CENPF: variants seen among roughly 807,000 people sequenced by gnomAD.
CENPF encodes the protein centromere protein F.
CENPF carries 214 observed loss-of-function variants against 307.3 expected under a neutral mutation model. The observed-to-expected ratio is 0.70, with a 90% CI of 0.62 to 0.78. The LOEUF is 0.78. Among genes scored for constraint, CENPF ranks in the 30% least tolerant of loss-of-function variants. The probability of loss-of-function intolerance (pLI) is 0.00; values close to 1 mark genes in which losing one functional copy is unlikely to be tolerated. For synonymous variants in CENPF, 1,259 were observed against 1,270.6 expected (o/e 0.99, Z 0.19); for missense variants, 3,401 against 3,483.9 (o/e 0.98, Z 0.60).
chr1:214,618,544 T>C, intron 3 of CENPF, 29 bp from the exon 4 acceptor site: 1 of 1,611,350 alleles, frequency 6.2e-7, no homozygotes, highest in Non-Finnish European at 8.5e-7. Flanking sequence ...CTAACTGATT[T>C]GTCTGCCTCT....
Position 214,646,547 on chromosome 1 carries a change from A to G in CENPF, c.6977A>G (p.Glu2326Gly). 6.2e-7 allele frequency: 1 copy of G among 1,614,138 alleles called. No homozygotes were observed. ...CTCTGTGTCTTACAACAACTGAAGG[A>G]AAGTGAGCATCATGCAGATTTACTT... ...KQLCVLQQLKESEHHADLLKG... is the reference protein window; with the variant it reads ...KQLCVLQQLKGSEHHADLLKG... The change falls in exon 13 of 20, where the codon GAA becomes GGA. Residue 2326 changes from glutamate to glycine, a missense_variant. Transcript: ENST00000366955.
In CENPF at chr1:214,640,905, T is replaced by TCTGCTTTTGCA; in HGVS notation, c.2567_2568insCTGCTTTTGCA (p.Leu856PhefsTer12). ...GACCTGCAAAAGCAGTGTGAAGAGT[T>TCTGCTTTTGCA]GGTGCAAATCAAAGGAGAAATAGAA... On this transcript the variant is annotated frameshift_variant, in exon 12 of 20. Transcript: ENST00000366955. LOFTEE classifies it high-confidence loss of function. 6.2e-7 allele frequency: 1 copy of TCTGCTTTTGCA among 1,606,880 alleles called. No homozygotes were observed. The highest frequency in any genetic ancestry group is 1.7e-5 in the Admixed American group (1 of 58,072).
chr1:214,645,953 T>C lies in CENPF; in HGVS notation c.6383T>C (p.Ile2128Thr), dbSNP rs758970303. 6.2e-7 allele frequency: 1 copy of C among 1,614,052 alleles called. No individual in the cohort carries two copies. Among genetic ancestry groups the C allele is most frequent in the Non-Finnish European group, 8.5e-7 (1 of 1,180,008 alleles). Residue 2128 changes from isoleucine (I) to threonine (T), a missense_variant, in exon 13 of 20, where the codon ATT becomes ACT. Physicochemically the swap from Ile to Thr is moderately conservative, Grantham distance 89 (BLOSUM62 -1). Coordinates refer to ENST00000366955, the MANE Select transcript of CENPF (RefSeq NM_016343.4). ...RRGIEKLRVRIEADEKKQLHI... is the reference protein window; with the variant it reads ...RRGIEKLRVRTEADEKKQLHI... ...GGCATCGAGAAACTGAGAGTTCGCA[T>C]TGAGGCCGATGAAAAGAAGCAGCTG...
At chr1:214,628,398 A>G (rs1273448744) in intron 7 of CENPF, among the ~76,000 whole-genome samples, 1 of 150,042 alleles carries the variant, frequency 6.7e-6, no homozygotes, top group Non-Finnish European at 1.5e-5. Context: ...TTTTTTCCTG[A>G]GATTTGTTAA....
At chr1:214,644,381 A>G (rs1255273752) in intron 12 of CENPF, among the ~76,000 whole-genome samples, 176 bp from the exon 13 acceptor site, 2 of 152,260 alleles carry the variant, frequency 1.3e-5, no homozygotes, top group African/African-American at 2.4e-5. Context: ...TACTGAACGT[A>G]TAAGTATGTT....
Position 214,605,513 on chromosome 1 carries a change from A to C in CENPF, c.-42+2192A>C, listed in dbSNP as rs1656998143. 8 of 578,536 alleles carry C rather than the reference A, an allele frequency of 1.4e-5. No homozygotes were observed. The South Asian group carries it at 1.8e-4, about 13-fold the overall frequency. 35.8% of individuals were successfully genotyped at this position (578,536 alleles called of 1,614,324 possible). Reference sequence around the variant, plus strand: ...TATTTTCTTCTTGCTTCCAAAAGGAAAGGAGTGCGTAGCTCTGTTGCCTGT... The same window carrying C: ...TATTTTCTTCTTGCTTCCAAAAGGACAGGAGTGCGTAGCTCTGTTGCCTGT... On this transcript the variant is annotated intron_variant, in intron 1 of 19. Coordinates refer to ENST00000366955, the MANE Select transcript of CENPF (RefSeq NM_016343.4).
At chr1:214,608,340 G>T in intron 1 of CENPF, 1 of 1,606,920 alleles carries the variant, frequency 6.2e-7, no homozygotes, top group Non-Finnish European at 8.5e-7. Context: ...GCCAGGCGGC[G>T]TCGATGTCGG....
At position 214,648,709 on chromosome 1, in the gene CENPF, A is replaced by G. The variant is rs1370540548; in HGVS notation, c.7865A>G (p.Gln2622Arg). ...NKMTAKETELQREMHEMAQKT... is the reference protein window; with the variant it reads ...NKMTAKETELRREMHEMAQKT... ...ATGACTGCAAAGGAAACTGAGCTGC[A>G]GAGGGAAATGCATGAGATGGCACAG... Residue 2622 changes from glutamine (Q) to arginine (R), a missense_variant, in exon 14 of 20, where the codon CAG becomes CGG. Physicochemically the swap from Gln to Arg is conservative, Grantham distance 43. Coordinates refer to ENST00000366955, the MANE Select transcript of CENPF (RefSeq NM_016343.4). 2 of 1,613,918 alleles carry G rather than the reference A, an allele frequency of 1.2e-6. No homozygotes were observed. The highest frequency in any genetic ancestry group is 3.3e-5 in the Admixed American group (2 of 59,982).
intron 7 of CENPF, among the ~76,000 whole-genome samples, chr1:214,628,034 C>T (rs1227545864): frequency 6.6e-6 from 1 of 152,114 alleles, no homozygotes; most frequent in East Asian, 1.9e-4. Flanking sequence ...ACCTGGAGTT[C>T]AGCACCCACA....
chr1:214,663,614 A>C lies in CENPF; in HGVS notation c.9165A>C (p.Pro3055=). ...SQKVKVAQRS[P]VDSGTILREP... The stretch of plus-strand genomic sequence containing the variant: ...AGGTCAAAGTTGCTCAGCGGAGCCC[A>C]GTAGATTCAGGCACCATCCTCCGAG... The change falls in exon 20 of 20, where the codon CCA becomes CCC. Residue 3055 remains proline (P), a synonymous_variant. Coordinates refer to ENST00000366955, the MANE Select transcript of CENPF (RefSeq NM_016343.4). 1 of 1,614,160 alleles carries C rather than the reference A, an allele frequency of 6.2e-7. No individual in the cohort carries two copies. The highest frequency in any genetic ancestry group is 8.5e-7 in the Non-Finnish European group (1 of 1,180,024).
Position 214,656,962 on chromosome 1 carries a change from T to C in CENPF, c.8515T>C (p.Leu2839=). ...GTVMDTKVDE[L]TTEIKELKET... is the part of the protein sequence containing the mutation. Reference sequence around the variant, plus strand: ...TGTTATGGATACCAAGGTCGATGAATTAACAACTGAGATCAAAGAACTGAA... The same window carrying C: ...TGTTATGGATACCAAGGTCGATGAACTAACAACTGAGATCAAAGAACTGAA... Residue 2839 remains leucine, a synonymous_variant, in exon 18 of 20, where the codon TTA becomes CTA. Transcript: ENST00000366955. The C allele has an allele frequency of 1.9e-6, 3 of 1,611,098 alleles. No individual in the cohort carries two copies. Among genetic ancestry groups the C allele is most frequent in the Non-Finnish European group, 2.5e-6 (3 of 1,179,240 alleles).
intron 7 of CENPF, among the ~76,000 whole-genome samples, chr1:214,625,974 G>A (rs982708071): frequency 1.3e-5 from 2 of 152,106 alleles, no homozygotes; most frequent in African/African-American, 4.8e-5. Flanking sequence ...GAGAAGGAAA[G>A]CCTATTATAT....
Position 214,641,509 on chromosome 1 carries a change from A to G in CENPF, c.3171A>G (p.Leu1057=), listed in dbSNP as rs749622921. ...AGAATTCTAAATTAGAATGCTTGCT[A>G]AATGAATGCACTAGTCTTTGTGAAA... ...QEKNSKLECL[L]NECTSLCENR... Residue 1057 remains leucine (L), a synonymous_variant, in exon 12 of 20, where the codon CTA becomes CTG. Coordinates refer to ENST00000366955, the MANE Select transcript of CENPF (RefSeq NM_016343.4). The G allele has an allele frequency of 2.6e-6, 4 of 1,521,512 alleles. No homozygotes were observed. In the Admixed American group the frequency reaches 7.3e-5, roughly 28 times the overall value. The allele number at this position is 1,521,512 out of a possible 1,614,324, so 94.3% of individuals were successfully genotyped here.
Position 214,620,810 on chromosome 1 carries a change from ATCT to A in CENPF, c.731_733del (p.Ser244del), listed in dbSNP as rs1447109276. On this transcript the variant is annotated inframe_deletion, in exon 6 of 20. Coordinates refer to ENST00000366955, the MANE Select transcript of CENPF (RefSeq NM_016343.4). The stretch of plus-strand genomic sequence containing the variant: ...CTCCAATTAGGAGAGATTTCTCTGC[ATCT>A]TACTTTTCTGGGGAACAAGAGGTGA... The A allele has an allele frequency of 1.2e-6, 2 of 1,614,214 alleles. No homozygotes were observed. The highest frequency in any genetic ancestry group is 2.2e-5 in the South Asian group (2 of 91,086).
chr1:214,642,222 C>G lies in CENPF; in HGVS notation c.3884C>G (p.Thr1295Arg), dbSNP rs1018587473. The G allele has an allele frequency of 6.1e-5, 99 of 1,613,948 alleles. No homozygotes were observed. The highest frequency in any genetic ancestry group is 8.1e-5 in the Non-Finnish European group (96 of 1,180,016). Residue 1295 changes from threonine (T) to arginine (R), a missense_variant, in exon 12 of 20, where the codon ACA (threonine) becomes AGA (arginine). By Grantham distance (71) the Thr-to-Arg change is moderately conservative. Transcript: ENST00000366955. ...DNAHLQCSLQ[T>R]TMNKLNELEK... is the part of the protein sequence containing the mutation. ...GCACACCTTCAGTGCTCTCTGCAAACAACAATGAACAAGCTGAATGAGCTA... is the reference window on the plus strand; with the variant it reads ...GCACACCTTCAGTGCTCTCTGCAAAGAACAATGAACAAGCTGAATGAGCTA...
intron 7 of CENPF, among the ~76,000 whole-genome samples, chr1:214,622,695 C>T (rs970413960): frequency 1.3e-5 from 2 of 150,714 alleles, no homozygotes; most frequent in Non-Finnish European, 2.9e-5. Flanking sequence ...ATGAGTTCTG[C>T]ATTCATGGAT....
chr1:214,608,184 C>T, intron 1 of CENPF: 1 of 955,938 alleles, frequency 1.0e-6, no homozygotes, highest in East Asian at 2.6e-5. Context: ...CTCTCTGGCC[C>T]TGTGCATCCA....
intron 6 of CENPF, among the ~76,000 whole-genome samples, 180 bp downstream of exon 6, chr1:214,621,126 T>C (rs1657493354): frequency 6.6e-6 from 1 of 152,150 alleles, no homozygotes; most frequent in Non-Finnish European, 1.5e-5. Flanking sequence ...GGCATCATAG[T>C]GTTGGAATGT....
chr1:214,615,609 A>C (rs1657315519), intron 3 of CENPF, among the ~76,000 whole-genome samples: 1 of 152,168 alleles, frequency 6.6e-6, no homozygotes, highest in African/African-American at 2.4e-5. Flanking sequence ...GAATATAAGC[A>C]GGCCCAATCT....
Sources: allele counts gnomAD v4.1 joint callset (sites outside exome capture counted in the v4.1 genomes callset), GRCh38; gene constraint gnomAD v4.1.1; transcripts MANE v1.5; gene names NCBI Gene and HGNC (gene_info 2026-07-23, HGNC 2026-07-21).